Variants in CUL1 observed in about 807,000 individuals in gnomAD.
CUL1 encodes the protein cullin-1.
Under a neutral mutation model 118.0 loss-of-function variants are expected in CUL1, and 24 were observed. That is an observed-to-expected ratio of 0.20 (90% CI 0.15 to 0.29). CUL1 has a LOEUF of 0.29. CUL1 is among the 10% of genes least tolerant of loss of function. The pLI is 1.00. For synonymous variants in CUL1, 332 were observed against 340.4 expected (o/e 0.98, Z 0.27); for missense variants, 361 against 933.8 (o/e 0.39, Z 7.99).
intron 9 of CUL1, among the ~76,000 whole-genome samples, chr7:148,769,396 T>TTC (rs968299376): frequency 7.8e-5 from 6 of 77,356 alleles, no homozygotes; most frequent in East Asian, 4.2e-4. Flanking sequence ...AAGGGCCTGA[T>TTC]TCACACACAC....
intron 2 of CUL1, among the ~76,000 whole-genome samples, chr7:148,734,401 ATCTG>A (rs1001839820): frequency 3.9e-5 from 6 of 152,098 alleles, no homozygotes; most frequent in African/African-American, 1.4e-4. Context: ...ACACCACTGC[ATCTG>A]TCTAATTTTT....
At chr7:148,760,192 G>C in intron 6 of CUL1, 141 bp from the exon 7 acceptor site, 1 of 557,512 alleles carries the variant, frequency 1.8e-6, no homozygotes, top group Non-Finnish European at 3.0e-6. Flanking sequence ...TTTAATACTA[G>C]TGAGTAAGAG....
intron 3 of CUL1, among the ~76,000 whole-genome samples, chr7:148,756,298 C>T (rs1229350214): frequency 6.6e-6 from 1 of 151,962 alleles, no homozygotes; most frequent in South Asian, 2.1e-4. Flanking sequence ...GTATTAGTCT[C>T]ATTGTCTGAA....
intron 9 of CUL1, among the ~76,000 whole-genome samples, chr7:148,780,590 A>T (rs1461610502): frequency 6.6e-6 from 1 of 152,188 alleles, no homozygotes; most frequent in Non-Finnish European, 1.5e-5. Context: ...TAGGCTTTGG[A>T]AATCCCATGA....
At chr7:148,779,992 G>C (rs1421834733) in intron 9 of CUL1, among the ~76,000 whole-genome samples, 1 of 152,184 alleles carries the variant, frequency 6.6e-6, no homozygotes, top group Non-Finnish European at 1.5e-5. Context: ...TCCTGCCCTC[G>C]AACGTCAGAC....
chr7:148,730,468 A>G (rs1458531454), intron 2 of CUL1, among the ~76,000 whole-genome samples: 1 of 152,194 alleles, frequency 6.6e-6, no homozygotes, highest in African/African-American at 2.4e-5. Flanking sequence ...TACAGTCACC[A>G]CTGGGCACAT....
At chr7:148,701,187 A>C (rs550865893) in intron 1 of CUL1, among the ~76,000 whole-genome samples, 58 of 140,742 alleles carry the variant, frequency 4.1e-4, no homozygotes, top group Middle Eastern at 3.8e-3. Flanking sequence ...TCTAACTTAA[A>C]CTTAACGTTT....
chr7:148,760,796 T>A (rs1563161681), intron 7 of CUL1, among the ~76,000 whole-genome samples: 1 of 152,252 alleles, frequency 6.6e-6, no homozygotes, highest in Non-Finnish European at 1.5e-5. Context: ...ATCACAGTCA[T>A]GTCAATGAGA....
chr7:148,786,707 T>C, intron 12 of CUL1, 108 bp downstream of exon 12: 1 of 991,774 alleles, frequency 1.0e-6, no homozygotes, highest in Non-Finnish European at 1.5e-6. Context: ...TAATCATTGA[T>C]TTTATTTTGA....
chr7:148,717,177 C>T (rs1341415076), intron 1 of CUL1, among the ~76,000 whole-genome samples: 2 of 152,114 alleles, frequency 1.3e-5, no homozygotes. Flanking sequence ...CTGCCTCAGC[C>T]TCCTGGGTAG....
intron 3 of CUL1, among the ~76,000 whole-genome samples, 163 bp downstream of exon 3, chr7:148,754,313 A>G (rs1799588366): frequency 6.6e-6 from 1 of 152,222 alleles, no homozygotes; most frequent in South Asian, 2.1e-4. Context: ...TACTGTGAAT[A>G]TGAAATCACC....
intron 2 of CUL1, among the ~76,000 whole-genome samples, chr7:148,740,196 A>G (rs915333378): frequency 6.6e-6 from 1 of 151,846 alleles, no homozygotes; most frequent in Non-Finnish European, 1.5e-5. Context: ...GGGATTACAG[A>G]CGCACGCCAC....
chr7:148,756,730 C>CT (rs1035562817), intron 3 of CUL1, among the ~76,000 whole-genome samples: 1 of 151,934 alleles, frequency 6.6e-6, no homozygotes, highest in African/African-American at 2.4e-5. Flanking sequence ...GTTCAGGGTA[C>CT]TTTTTTTGAG....
rs144866150 is a variant in CUL1 at position 148,759,637 on chromosome 7, C to T, written c.624C>T (p.Tyr208=). ...TRLISGVVQS[Y]VELGLNEDDA... is the part of the protein sequence containing the mutation. The stretch of plus-strand genomic sequence containing the variant: ...TGATTAGTGGAGTTGTACAGTCTTA[C>T]GGTAAATAATTTCCCTTTAGTTTAT... The change falls in exon 6 of 22, where the codon TAC becomes TAT. Residue 208 remains tyrosine, a splice_region_variant and synonymous_variant. Transcript: ENST00000325222. The T allele has an allele frequency of 4.6e-5, 72 of 1,568,196 alleles. No individual in the cohort carries two copies. The highest frequency in any genetic ancestry group is 3.6e-4 in the East Asian group (16 of 44,052).
intron 2 of CUL1, among the ~76,000 whole-genome samples, chr7:148,739,955 T>G (rs1584781289): frequency 6.6e-6 from 1 of 152,312 alleles, no homozygotes; most frequent in Admixed American, 6.5e-5. Context: ...ATTATTCCAG[T>G]GTCATTTGTT....
chr7:148,784,249 A>G lies in CUL1; in HGVS notation c.1298+172A>G, dbSNP rs535115179. Among the ~76,000 whole-genome samples the G allele has an allele frequency of 7.2e-5, 11 of 152,126 alleles. No homozygotes were observed. In the South Asian group the frequency reaches 2.3e-3, roughly 32 times the overall value. ...CCGTTGAAAATCTGCATTCCCTCCCACTGGCTGTTTTTCAAACAGAAATGT... is the reference window on the plus strand; with the variant it reads ...CCGTTGAAAATCTGCATTCCCTCCCGCTGGCTGTTTTTCAAACAGAAATGT... On this transcript the variant is annotated intron_variant, in intron 11 of 21. Coordinates refer to ENST00000325222, the MANE Select transcript of CUL1 (RefSeq NM_003592.3).
intron 2 of CUL1, among the ~76,000 whole-genome samples, chr7:148,740,095 C>G (rs1295125604): frequency 6.6e-6 from 1 of 151,512 alleles, no homozygotes; most frequent in Non-Finnish European, 1.5e-5. Context: ...TGTTTTTGCC[C>G]AGGCCGGAGT....
At chr7:148,749,592 A>G (rs776833231) in intron 2 of CUL1, among the ~76,000 whole-genome samples, 22 of 152,052 alleles carry the variant, frequency 1.4e-4, no homozygotes, top group Non-Finnish European at 2.9e-4. Flanking sequence ...AGCAAACTTA[A>G]TCCATAAATG....
Position 148,799,382 on chromosome 7 carries a change from G to T in CUL1, c.2244G>T (p.Val748=), listed in dbSNP as rs1367575070. ...LSSRFKPRVP[V]IKKCIDILIE... is the part of the protein sequence containing the mutation. ...CCAGGTTCAAACCTCGAGTCCCTGT[G>T]ATCAAGGTACAGGACTTTACATAGC... The change falls in exon 21 of 22, where the codon GTG becomes GTT. Residue 748 remains valine, a synonymous_variant. Transcript: ENST00000325222. 4 of 1,604,932 alleles carry T rather than the reference G, an allele frequency of 2.5e-6. No homozygotes were observed. In the African/African-American group the frequency reaches 5.4e-5, roughly 21 times the overall value.
Sources: gnomAD v4.1 joint callset for allele counts (sites outside exome capture counted in the v4.1 genomes callset) on GRCh38, gnomAD v4.1.1 for gene constraint, MANE v1.5 for transcripts, NCBI Gene and HGNC (gene_info 2026-07-23, HGNC 2026-07-21) for gene names.